Variants in MIOS observed in about 807,000 individuals in gnomAD.
MIOS encodes the protein GATOR2 complex protein MIOS.
A neutral mutation model predicts 96.9 loss-of-function variants in MIOS; 52 were observed. That is an observed-to-expected ratio of 0.54 (90% CI 0.43 to 0.68). The LOEUF (loss-of-function observed/expected upper bound fraction) is 0.68, where lower values mean the gene tolerates loss of function less well. Ranked by LOEUF, MIOS falls within the 30% of genes least tolerant of loss-of-function variation. The pLI is 0.00. For synonymous variants in MIOS, 397 were observed against 359.5 expected (o/e 1.10, Z -1.18); for missense variants, 1,005 against 1,052.8 (o/e 0.95, Z 0.63).
intron 12 of MIOS, 151 bp from the exon 13 acceptor site, chr7:7,606,844 AG>A: frequency 1.7e-6 from 1 of 593,058 alleles, no homozygotes; most frequent in Non-Finnish European, 2.9e-6. Context: ...CCAGCTACTC[AG>A]GAGGCTGAGG....
In MIOS at chr7:7,583,235, C is replaced by T. The variant is rs369299032; in HGVS notation, c.1511C>T (p.Thr504Met). The T allele has an allele frequency of 1.9e-4, 302 of 1,613,874 alleles. No homozygotes were observed. The highest frequency in any genetic ancestry group is 2.2e-4 in the Non-Finnish European group (262 of 1,180,002). ...CTTTGTGGGTGGATAAAGAAAGGAACGGATGTAGACGTGGGGCCATTTTTG... is the reference window on the plus strand; with the variant it reads ...CTTTGTGGGTGGATAAAGAAAGGAATGGATGTAGACGTGGGGCCATTTTTG... ...LQLCGWIKKG[T>M]DVDVGPFLNS... Residue 504 changes from threonine to methionine, a missense_variant, in exon 6 of 13, where the codon ACG becomes ATG. Coordinates refer to ENST00000340080, the MANE Select transcript of MIOS (RefSeq NM_019005.4).
intron 11 of MIOS, among the ~76,000 whole-genome samples, chr7:7,597,951 C>A (rs1784265512): frequency 6.6e-6 from 1 of 152,124 alleles, no homozygotes; most frequent in Non-Finnish European, 1.5e-5. Flanking sequence ...AGGCATGAGC[C>A]ACCATGCCCA....
At chr7:7,568,327 C>G (rs1028868136) in intron 3 of MIOS, among the ~76,000 whole-genome samples, 1 of 152,110 alleles carries the variant, frequency 6.6e-6, no homozygotes, top group Non-Finnish European at 1.5e-5. Flanking sequence ...TAGATTTTAT[C>G]TCGGTTTTAT....
At position 7,567,002 on chromosome 7, in the gene MIOS, C is replaced by T. The variant is rs1179912938; in HGVS notation, c.-291C>T. On this transcript the variant is annotated 5_prime_UTR_variant, in exon 1 of 13. Coordinates refer to ENST00000340080, the MANE Select transcript of MIOS (RefSeq NM_019005.4). ...CCGCGGCCGCCATCTTGCCCGCGTC[C>T]GGGCTCCTGCGGCGGGCGGGGCGGT... The T allele has an allele frequency of 1.3e-5, 2 of 152,048 alleles. No individual in the cohort carries two copies. Among genetic ancestry groups the T allele is most frequent in the Admixed American group, 1.3e-4 (2 of 15,260 alleles). The allele number at this position is 152,048 out of a possible 1,614,324, so 9.4% of individuals were successfully genotyped here.
At chr7:7,600,307 T>C (rs1784337482) in intron 11 of MIOS, among the ~76,000 whole-genome samples, 1 of 152,086 alleles carries the variant, frequency 6.6e-6, no homozygotes. Flanking sequence ...CCCATCAGTG[T>C]GCTGTATTCA....
intron 3 of MIOS, among the ~76,000 whole-genome samples, chr7:7,569,578 T>G (rs1478834382): frequency 6.6e-6 from 1 of 152,232 alleles, no homozygotes; most frequent in Non-Finnish European, 1.5e-5. Context: ...CAAATGTTTA[T>G]TAACTTCCTA....
chr7:7,573,072 T>G lies in MIOS; in HGVS notation c.597T>G (p.Leu199=). The G allele has an allele frequency of 6.2e-7, 1 of 1,614,056 alleles. No homozygotes were observed. The part of the protein sequence containing the change: ...SLCWLPRDQK[L]LLAGMHRNLA... ...GTTGGCTTCCACGAGACCAGAAACT[T>G]CTCCTTGCTGGTATGCATCGTAACC... The change falls in exon 4 of 13, where the codon CTT becomes CTG. Residue 199 remains leucine, a synonymous_variant. Transcript: ENST00000340080. This position sits in a 1 kb window ranked among gnomAD's most constrained non-coding sequence, Gnocchi z 5.0.
At chr7:7,580,720 A>G (rs182552815) in intron 5 of MIOS, among the ~76,000 whole-genome samples, 265 of 143,768 alleles carry the variant, frequency 1.8e-3, no homozygotes, top group African/African-American at 6.6e-3. Context: ...TTAAAGAGAC[A>G]GAATCTCACT....
rs376486803 is a variant in MIOS at position 7,593,901 on chromosome 7, A to AAAAC, written c.2044-1079_2044-1078insAAAC. Among the ~76,000 whole-genome samples, 347 of 144,992 alleles carry AAAAC rather than the reference A, an allele frequency of 2.4e-3. 5 individuals are homozygous for AAAAC. The highest frequency in any genetic ancestry group is 3.9e-3 in the South Asian group (18 of 4,570). On this transcript the variant is annotated intron_variant, in intron 9 of 12. Transcript: ENST00000340080. Reference sequence around the variant, plus strand: ...CTCCAAAAAAAAAAAAAAAAGAAAAAGAAAAGAAAAAAAGAAAACCTAAAG... The same window carrying AAAAC: ...CTCCAAAAAAAAAAAAAAAAGAAAAAAAACGAAAAGAAAAAAAGAAAACCTAAAG...
At chr7:7,593,443 C>G (rs534934934) in intron 9 of MIOS, among the ~76,000 whole-genome samples, 11 of 152,230 alleles carry the variant, frequency 7.2e-5, no homozygotes, top group Admixed American at 2.6e-4. Flanking sequence ...GCCAGGTTCT[C>G]TCTGAAATTT....
chr7:7,584,580 A>G (rs1783826555), intron 6 of MIOS, among the ~76,000 whole-genome samples: 1 of 152,146 alleles, frequency 6.6e-6, no homozygotes, highest in Admixed American at 6.5e-5. Context: ...AATCTAATGT[A>G]TTAGGCAAAG....
chr7:7,582,608 A>T lies in MIOS; in HGVS notation c.1394-510A>T, dbSNP rs981425275. ...ACTTTCAAAGTACTTTGAAGTCTGT[A>T]ATCTTGTTTTTTAATGTACAGAGAA... On this transcript the variant is annotated intron_variant, in intron 5 of 12. Coordinates refer to ENST00000340080, the MANE Select transcript of MIOS (RefSeq NM_019005.4). 20 of 975,294 alleles carry T rather than the reference A, an allele frequency of 2.1e-5. No individual in the cohort carries two copies. In the African/African-American group the frequency reaches 3.5e-4, roughly 17 times the overall value. The allele number at this position is 975,294 out of a possible 1,614,324, so 60.4% of individuals were successfully genotyped here.
intron 11 of MIOS, among the ~76,000 whole-genome samples, chr7:7,601,411 A>G (rs1002999355): frequency 1.3e-5 from 2 of 152,234 alleles, no homozygotes; most frequent in African/African-American, 2.4e-5. Context: ...TCCCACAGAA[A>G]TACAAACTAC....
At chr7:7,591,387 C>G (rs1784044732) in intron 9 of MIOS, among the ~76,000 whole-genome samples, 1 of 151,178 alleles carries the variant, frequency 6.6e-6, no homozygotes, top group African/African-American at 2.4e-5. Context: ...TCAAGCAATC[C>G]TCCCACCTCA....
Position 7,595,138 on chromosome 7 carries a change from TAC to T in MIOS, c.2196+8_2196+9del. ...GTTCCAAGCCTTTAGCACAAGTAAGTACATTGTTTTGGAGAAAATCAAATTGT... is the reference window on the plus strand; with the variant it reads ...GTTCCAAGCCTTTAGCACAAGTAAGTATTGTTTTGGAGAAAATCAAATTGT... On this transcript the variant is annotated splice_region_variant and intron_variant, in intron 10 of 12. Transcript: ENST00000340080. 1 of 1,601,716 alleles carries T rather than the reference TAC, an allele frequency of 6.2e-7. No homozygotes were observed. Among genetic ancestry groups the T allele is most frequent in the Non-Finnish European group, 8.5e-7 (1 of 1,176,470 alleles).
At position 7,596,387 on chromosome 7, in the gene MIOS, C is replaced by G; in HGVS notation, c.2327C>G (p.Pro776Arg). Residue 776 changes from proline (P) to arginine (R), a missense_variant, in exon 11 of 13, where the codon CCT (proline) becomes CGT (arginine). Physicochemically the swap from Pro to Arg is moderately radical, Grantham distance 103. Around this residue, in one of 3 missense-constraint regions of MIOS, gnomAD observed 865 missense variants for 887.9 expected, o/e 0.97. Coordinates refer to ENST00000340080, the MANE Select transcript of MIOS (RefSeq NM_019005.4). ...ACGAAATCTAAAGTCACAAGTTGTC[C>G]TGGCTGTCGAAAACCACTTCCTCGA... is the stretch of plus-strand genomic sequence containing the variant. ...SPTKSKVTSCPGCRKPLPRCA... is the reference protein window; with the variant it reads ...SPTKSKVTSCRGCRKPLPRCA... 3.1e-6 allele frequency: 5 copies of G among 1,614,106 alleles called. No homozygotes were observed. The highest frequency in any genetic ancestry group is 3.4e-6 in the Non-Finnish European group (4 of 1,180,008).
intron 9 of MIOS, among the ~76,000 whole-genome samples, chr7:7,590,573 A>G (rs973425019): frequency 1.3e-5 from 2 of 152,146 alleles, no homozygotes; most frequent in Non-Finnish European, 2.9e-5. Context: ...TTATATGGTC[A>G]TGGTTAAGTC....
chr7:7,597,689 T>C (rs1020508212), intron 11 of MIOS, among the ~76,000 whole-genome samples: 4 of 151,380 alleles, frequency 2.6e-5, no homozygotes, highest in Non-Finnish European at 4.4e-5. Flanking sequence ...CAGTGTTCGT[T>C]TTTGTTTGTT....
At chr7:7,595,205 A>C in intron 10 of MIOS, 73 bp downstream of exon 10, 4 of 1,497,552 alleles carry the variant, frequency 2.7e-6, no homozygotes, top group Non-Finnish European at 3.6e-6. Context: ...CTATTAGCTC[A>C]TTATTTTGCT....
Sources: gnomAD v4.1 joint callset for allele counts (sites outside exome capture counted in the v4.1 genomes callset) on GRCh38, gnomAD v4.1.1 for gene constraint, gnomAD v4.1.1 regional missense constraint, Gnocchi (gnomAD v3.1) non-coding constraint, MANE v1.5 for transcripts, NCBI Gene and HGNC (gene_info 2026-07-23, HGNC 2026-07-21) for gene names.